SPMIP7: variants seen among roughly 807,000 people sequenced by gnomAD.
SPMIP7 encodes protein SPMIP7.
the SPMIP7 span, among the ~76,000 whole-genome samples, chr7:50,099,924 C>T: frequency 2.6e-5 from 4 of 152,188 alleles, no homozygotes; most frequent in Non-Finnish European, 5.9e-5. Context: ...AGTTCCAGAA[C>T]TGGTGAGATA....
chr7:50,100,065 G>C, the SPMIP7 span, among the ~76,000 whole-genome samples: 1 of 152,274 alleles, frequency 6.6e-6, no homozygotes, highest in African/African-American at 2.4e-5. Flanking sequence ...GGGAGAGTCT[G>C]TGCTATCCAC....
At chr7:50,141,478 T>C in the SPMIP7 span, 1 of 813,934 alleles carries the variant, frequency 1.2e-6, no homozygotes, top group South Asian at 1.6e-5. Flanking sequence ...AATTTAAACG[T>C]GGCTTTTATT....
At chr7:50,107,381 AAAAAG>A in the SPMIP7 span, among the ~76,000 whole-genome samples, 28,690 of 78,684 alleles carry the variant, frequency 0.36, 5,296 homozygotes, top group East Asian at 0.43. Flanking sequence ...AAAAAAAAAA[AAAAAG>A]AAAAGAAAAG....
the SPMIP7 span, chr7:50,134,361 T>A: frequency 2.2e-6 from 2 of 892,662 alleles, no homozygotes; most frequent in Non-Finnish European, 3.2e-6. Context: ...GGAAGTAAAT[T>A]TATGTAAGAT....
At chr7:50,096,470 A>G in the SPMIP7 span, 2 of 1,551,680 alleles carry the variant, frequency 1.3e-6, no homozygotes. Flanking sequence ...AACCATACCA[A>G]CCCTAGTGGA....
At chr7:50,116,225 C>G in the SPMIP7 span, among the ~76,000 whole-genome samples, 1 of 152,310 alleles carries the variant, frequency 6.6e-6, no homozygotes, top group African/African-American at 2.4e-5. Context: ...AAGCCATCAT[C>G]CTGCCTCAGC....
the SPMIP7 span, among the ~76,000 whole-genome samples, chr7:50,107,214 G>T: frequency 5.9e-5 from 9 of 151,782 alleles, no homozygotes; most frequent in Admixed American, 5.3e-4. Flanking sequence ...AAGTTATCCA[G>T]GTGTGGTGGC....
chr7:50,133,386 G>C, the SPMIP7 span, among the ~76,000 whole-genome samples: 1 of 152,130 alleles, frequency 6.6e-6, no homozygotes, highest in Admixed American at 6.6e-5. Context: ...ATTTTTGCAG[G>C]GGAGAGTCCT....
chr7:50,109,853 A>G, the SPMIP7 span, among the ~76,000 whole-genome samples: 1 of 152,228 alleles, frequency 6.6e-6, no homozygotes, highest in Non-Finnish European at 1.5e-5. Flanking sequence ...TTACTGATAG[A>G]TACAGCACTG....
chr7:50,116,744 TA>T, the SPMIP7 span, among the ~76,000 whole-genome samples: 3 of 152,116 alleles, frequency 2.0e-5, no homozygotes, highest in Non-Finnish European at 2.9e-5. Context: ...AAAAGTTCTT[TA>T]AAAAAATGGA....
chr7:50,136,265 A>G, the SPMIP7 span: 4 of 841,532 alleles, frequency 4.8e-6, no homozygotes, highest in Admixed American at 8.2e-5. Flanking sequence ...GGTGTGGGTG[A>G]GGGATATGTT....
At chr7:50,116,474 CAG>C in the SPMIP7 span, among the ~76,000 whole-genome samples, 1 of 152,172 alleles carries the variant, frequency 6.6e-6, no homozygotes, top group East Asian at 1.9e-4. Context: ...CAGCAAGAAA[CAG>C]AAAGTTTTAA....
At chr7:50,096,551 C>T in the SPMIP7 span, 1 of 1,551,588 alleles carries the variant, frequency 6.4e-7, no homozygotes, top group Non-Finnish European at 8.7e-7. Flanking sequence ...AATAAAAAGG[C>T]AAAAAATTCT....
chr7:50,120,007 G>A, the SPMIP7 span, among the ~76,000 whole-genome samples: 1 of 152,186 alleles, frequency 6.6e-6, no homozygotes, highest in African/African-American at 2.4e-5. Context: ...ATGCCACCAG[G>A]TGGCCCTCTT....
At chr7:50,146,285 C>T in the SPMIP7 span, among the ~76,000 whole-genome samples, 1 of 152,200 alleles carries the variant, frequency 6.6e-6, no homozygotes, top group African/African-American at 2.4e-5. Flanking sequence ...GCCAAGATCA[C>T]TCATTTCATG....
At chr7:50,096,302 T>G in the SPMIP7 span, 1 of 1,551,846 alleles carries the variant, frequency 6.4e-7, no homozygotes, top group Non-Finnish European at 8.7e-7. Context: ...TTATCCCCCT[T>G]CAGTTTTGCC....
At chr7:50,110,209 G>A in the SPMIP7 span, among the ~76,000 whole-genome samples, 11 of 151,272 alleles carry the variant, frequency 7.3e-5, no homozygotes, top group East Asian at 1.5e-3. Flanking sequence ...AAATACAGAA[G>A]AATTTAAAAA....
the SPMIP7 span, chr7:50,141,371 T>C: frequency 6.5e-7 from 1 of 1,549,516 alleles, no homozygotes; most frequent in Non-Finnish European, 8.7e-7. Flanking sequence ...CTAAGCCTCT[T>C]TATACAAACA....
chr7:50,107,398 AAAAG>A, the SPMIP7 span, among the ~76,000 whole-genome samples: 20 of 46,412 alleles, frequency 4.3e-4, no homozygotes, highest in East Asian at 2.0e-3. Flanking sequence ...AAAGAAAAGA[AAAAG>A]AAAAAAAAAA....
Sources: allele counts gnomAD v4.1 joint callset (sites outside exome capture counted in the v4.1 genomes callset), GRCh38; gene constraint gnomAD v4.1.1; transcripts MANE v1.5; gene names NCBI Gene and HGNC (gene_info 2026-07-23, HGNC 2026-07-21).